The following ADGRL3 variants were observed in gnomAD, a reference collection of about 807,000 sequenced individuals.
ADGRL3 encodes adhesion G protein-coupled receptor L3.
A neutral mutation model predicts 153.5 loss-of-function variants in ADGRL3; 62 were observed. The observed-to-expected ratio is 0.40, with a 90% CI of 0.33 to 0.50. The LOEUF (loss-of-function observed/expected upper bound fraction) is 0.50, where lower values mean the gene tolerates loss of function less well. Among genes scored for constraint, ADGRL3 ranks in the 20% least tolerant of loss-of-function variants. The pLI is 0.47. For synonymous variants in ADGRL3, 710 were observed against 672.5 expected (o/e 1.06, Z -0.86); for missense variants, 1,641 against 1,859.4 (o/e 0.88, Z 2.16).
At chr4:61,823,031 G>A (rs1004505617) in intron 9 of ADGRL3, among the ~76,000 whole-genome samples, 2 of 152,116 alleles carry the variant, frequency 1.3e-5, no homozygotes, top group Non-Finnish European at 2.9e-5. Flanking sequence ...CCAGAGAAAA[G>A]AAAGTCACCG....
At chr4:61,296,233 A>AT (rs2094407490) in intron 1 of ADGRL3, among the ~76,000 whole-genome samples, 1 of 152,160 alleles carries the variant, frequency 6.6e-6, no homozygotes, top group South Asian at 2.1e-4. Flanking sequence ...GTGATGAGGG[A>AT]GACTTGTGTC....
chr4:61,580,234 C>A (rs1056826553), intron 4 of ADGRL3, among the ~76,000 whole-genome samples: 1 of 152,000 alleles, frequency 6.6e-6, no homozygotes, highest in Non-Finnish European at 1.5e-5. Flanking sequence ...TCAGAGGAAT[C>A]AAATCTGTTT....
intron 3 of ADGRL3, among the ~76,000 whole-genome samples, chr4:61,498,106 A>G (rs1249658543): frequency 1.3e-5 from 2 of 152,194 alleles, no homozygotes; most frequent in Admixed American, 1.3e-4. Flanking sequence ...ATTCAAAAGT[A>G]TCTGCTTTCC....
chr4:61,245,897 C>T (rs1756862952), intron 1 of ADGRL3, among the ~76,000 whole-genome samples: 2 of 151,274 alleles, frequency 1.3e-5, no homozygotes, highest in African/African-American at 4.9e-5. Flanking sequence ...TAGCAGCTGT[C>T]TGTCCTTATT....
chr4:61,951,186 C>A (rs956157489), intron 17 of ADGRL3, among the ~76,000 whole-genome samples: 10 of 152,124 alleles, frequency 6.6e-5, no homozygotes, highest in African/African-American at 2.4e-4. Context: ...TAAATATTTA[C>A]AAGTAATACT....
chr4:62,024,908 C>A (rs1054478491), intron 21 of ADGRL3, among the ~76,000 whole-genome samples: 3 of 128,802 alleles, frequency 2.3e-5, no homozygotes, highest in Admixed American at 9.7e-5. Flanking sequence ...TTAACCCAGG[C>A]GACAGTGTGA....
intron 1 of ADGRL3, among the ~76,000 whole-genome samples, chr4:61,283,312 A>G (rs930110949): frequency 2.0e-5 from 3 of 152,196 alleles, no homozygotes; most frequent in East Asian, 3.9e-4. Context: ...AACTGCAGCC[A>G]CTGCTAACTT....
chr4:61,692,463 G>A (rs1448078592), intron 6 of ADGRL3, among the ~76,000 whole-genome samples: 7 of 140,182 alleles, frequency 5.0e-5, no homozygotes, highest in African/African-American at 1.3e-4. Flanking sequence ...TTTTTTTTGA[G>A]ACAGTGTCTT....
At chr4:61,577,958 G>A (rs1476701111) in intron 4 of ADGRL3, among the ~76,000 whole-genome samples, 1 of 151,964 alleles carries the variant, frequency 6.6e-6, no homozygotes, top group African/African-American at 2.4e-5. Flanking sequence ...AGTTAGTAAA[G>A]AATTCTTAAA....
In ADGRL3 at chr4:61,587,287, A is replaced by T. The variant is rs1291675967; in HGVS notation, c.320A>T (p.Tyr107Phe). Reference sequence around the variant, plus strand: ...CGCAGAGAGCTATCCTGTGAGAGCTATCCTATAGAGCTTCGCTGTCCAGGA... The same window carrying T: ...CGCAGAGAGCTATCCTGTGAGAGCTTTCCTATAGAGCTTCGCTGTCCAGGA... ...VVRRELSCES[Y>F]PIELRCPGTD... Residue 107 changes from tyrosine to phenylalanine, a missense_variant, in exon 5 of 27, where the codon TAT becomes TTT. This residue lies in a region of ADGRL3 where 213 missense variants were observed against 362.1 expected (regional missense o/e 0.59). Transcript: ENST00000683033. 6.2e-7 allele frequency: 1 copy of T among 1,611,218 alleles called. No homozygotes were observed. Among genetic ancestry groups the T allele is most frequent in the South Asian group, 1.1e-5 (1 of 90,720 alleles).
intron 5 of ADGRL3, among the ~76,000 whole-genome samples, chr4:61,616,252 G>A (rs1434821514): frequency 1.3e-5 from 2 of 152,114 alleles, no homozygotes; most frequent in Non-Finnish European, 2.9e-5. Context: ...AGAAATGGGA[G>A]TTTTAAAAAG....
Position 61,789,757 on chromosome 4 carries a change from T to G in ADGRL3, c.1400-24052T>G, listed in dbSNP as rs556651122. Reference sequence around the variant, plus strand: ...AATGTTTAATCAGTATTTTCACTTTTGCCAAAATATGCTTATATACTAGAA... The same window carrying G: ...AATGTTTAATCAGTATTTTCACTTTGGCCAAAATATGCTTATATACTAGAA... On this transcript the variant is annotated intron_variant, in intron 8 of 26. Transcript: ENST00000683033. 4.1e-4 allele frequency among the ~76,000 whole-genome samples: 62 copies of G among 152,312 alleles called. 1 individual carries two copies. Among genetic ancestry groups the G allele is most frequent in the Non-Finnish European group, 5.0e-4 (34 of 68,000 alleles).
At chr4:61,667,838 T>A (rs1478323391) in intron 5 of ADGRL3, among the ~76,000 whole-genome samples, 2 of 152,212 alleles carry the variant, frequency 1.3e-5, no homozygotes, top group African/African-American at 4.8e-5. Context: ...TACATGCCTT[T>A]TAAGAAAAAT....
At chr4:61,644,641 G>C (rs1262072397) in intron 5 of ADGRL3, among the ~76,000 whole-genome samples, 1 of 152,164 alleles carries the variant, frequency 6.6e-6, no homozygotes, top group Non-Finnish European at 1.5e-5. Flanking sequence ...TTGCACTGTG[G>C]TCTCAGAGAT....
intron 5 of ADGRL3, among the ~76,000 whole-genome samples, chr4:61,622,230 G>C (rs369092939): frequency 1.3e-5 from 2 of 152,080 alleles, no homozygotes; most frequent in East Asian, 1.9e-4. Flanking sequence ...ATTCTGTAAA[G>C]CTTCTATATT....
chr4:61,851,030 T>G (rs2098196225), intron 9 of ADGRL3, among the ~76,000 whole-genome samples: 1 of 152,194 alleles, frequency 6.6e-6, no homozygotes, highest in South Asian at 2.1e-4. Context: ...GTGTCATTTT[T>G]AATCATTCAC....
intron 1 of ADGRL3, among the ~76,000 whole-genome samples, chr4:61,334,686 C>T (rs986056325): frequency 6.6e-6 from 1 of 151,928 alleles, no homozygotes; most frequent in African/African-American, 2.4e-5. Flanking sequence ...ATGTTAATTG[C>T]TTTTTTGGGT....
intron 9 of ADGRL3, among the ~76,000 whole-genome samples, chr4:61,877,952 C>T (rs1383433439): frequency 1.3e-5 from 2 of 152,120 alleles, no homozygotes; most frequent in Non-Finnish European, 2.9e-5. Flanking sequence ...GCAGTTACCC[C>T]TTCACTCTCT....
At chr4:61,605,885 A>G in intron 5 of ADGRL3, among the ~76,000 whole-genome samples, 1 of 152,260 alleles carries the variant, frequency 6.6e-6, no homozygotes, top group African/African-American at 2.4e-5. Context: ...ATATTCTTCC[A>G]CATACACTCC....
Sources: allele counts gnomAD v4.1 joint callset (sites outside exome capture counted in the v4.1 genomes callset), GRCh38; gene constraint gnomAD v4.1.1; regional missense constraint gnomAD v4.1.1; transcripts MANE v1.5; gene names NCBI Gene and HGNC (gene_info 2026-07-23, HGNC 2026-07-21).